Variants in MYH10 observed in about 807,000 individuals in gnomAD.
The protein encoded by MYH10 is myosin-10.
A neutral mutation model predicts 257.8 loss-of-function variants in MYH10; 55 were observed. The ratio of observed to expected loss-of-function variants is 0.21; its 90% CI spans 0.17 to 0.27. MYH10 has a LOEUF of 0.27. MYH10 is among the 10% of genes least tolerant of loss of function. The pLI is 1.00. For missense variants in MYH10, 1,631 were observed against 2,500.6 expected, an observed-to-expected ratio of 0.65 and a Z score of 7.42; for synonymous variants, 854 against 921.7, an observed-to-expected ratio of 0.93 and a Z score of 1.33.
rs1489877808 is a variant in MYH10, at chr17:8,545,344, G to GT, written c.1431+103dup. 4 of 1,253,022 alleles carry GT rather than the reference G, an allele frequency of 3.2e-6. No individual in the cohort carries two copies. Among genetic ancestry groups the GT allele is most frequent in the Admixed American group, 2.2e-5 (1 of 44,562 alleles). The allele number at this position is 1,253,022 out of a possible 1,614,324, so 77.6% of individuals were successfully genotyped here. On this transcript the variant is annotated intron_variant, in intron 13 of 42. Coordinates refer to ENST00000360416, the MANE Select transcript of MYH10 (RefSeq NM_001256012.3). This position sits in a 1 kb window ranked among gnomAD's most constrained non-coding sequence, Gnocchi z 4.7. ...TGGCTCTACTAGAATGGCAGGGACT[G>GT]TATCCCTGGTGCCTCGTATGTACTG...
At position 8,504,009 on chromosome 17, in the gene MYH10, G is replaced by C. The variant is rs555182746; in HGVS notation, c.3599+685C>G. 6.6e-6 allele frequency among the ~76,000 whole-genome samples: 1 copy of C among 152,276 alleles called. No homozygotes were observed. The highest frequency in any genetic ancestry group is 6.5e-5 in the Admixed American group (1 of 15,304). Reference sequence around the variant, plus strand: ...TGATGACACCTATGAGTCCGTGGGAGCCGCAGGCCAGCACCTCCAGGCCTG... The same window carrying C: ...TGATGACACCTATGAGTCCGTGGGACCCGCAGGCCAGCACCTCCAGGCCTG... On this transcript the variant is annotated intron_variant, in intron 28 of 42. Transcript: ENST00000360416. This position sits in a 1 kb window ranked among gnomAD's most constrained non-coding sequence, Gnocchi z 5.6.
intron 2 of MYH10, among the ~76,000 whole-genome samples, chr17:8,608,810 AT>A (rs531809094): frequency 0.02 from 2,795 of 140,744 alleles, 21 homozygotes; most frequent in Non-Finnish European, 0.029. Context: ...TGATTGGGAA[AT>A]TTTTTTTTTT....
intron 4 of MYH10, among the ~76,000 whole-genome samples, chr17:8,583,409 C>A (rs1196548123): frequency 6.8e-6 from 1 of 146,264 alleles, no homozygotes; most frequent in Non-Finnish European, 1.5e-5. Flanking sequence ...TAAATAATAC[C>A]TTTTTTTTTT....
chr17:8,604,780 C>A (rs753186862), intron 3 of MYH10, 46 bp downstream of exon 3: 6 of 1,322,114 alleles, frequency 4.5e-6, no homozygotes, highest in Non-Finnish European at 6.0e-6. Context: ...CAGTAAATTA[C>A]ATTTAAGAAA....
rs1912890197 is a variant in MYH10 at position 8,477,577 on chromosome 17, G to T, written c.5707-529C>A. On this transcript the variant is annotated intron_variant, in intron 41 of 42. Coordinates refer to ENST00000360416, the MANE Select transcript of MYH10 (RefSeq NM_001256012.3). The surrounding 1 kb of genome is among the most constrained non-coding windows in gnomAD (Gnocchi z 4.2). ...TCATTCCTGAGCCACACAGGCACTG[G>T]TCAGTGCTTCGTGGGTCCAGCGCAC... Among the ~76,000 whole-genome samples the T allele has an allele frequency of 6.6e-6, 1 of 152,168 alleles. No homozygotes were observed. Among genetic ancestry groups the T allele is most frequent in the African/African-American group, 2.4e-5 (1 of 41,446 alleles).
rs144703717 is a variant in MYH10 at position 8,619,525 on chromosome 17, G to A, written c.345+3377C>T. On this transcript the variant is annotated intron_variant, in intron 2 of 42. Coordinates refer to ENST00000360416, the MANE Select transcript of MYH10 (RefSeq NM_001256012.3). The stretch of plus-strand genomic sequence containing the variant: ...TTGGGAACTACTGAGTTACATCAAC[G>A]TAAAACAGTAAGAATAAATCTTAAA... Among the ~76,000 whole-genome samples the A allele has an allele frequency of 6.1e-3, 933 of 152,234 alleles. 8 individuals carry two copies. Among genetic ancestry groups the A allele is most frequent in the African/African-American group, 0.021 (890 of 41,554 alleles).
At chr17:8,597,080 T>C (rs2084401514) in intron 3 of MYH10, among the ~76,000 whole-genome samples, 1 of 152,142 alleles carries the variant, frequency 6.6e-6, no homozygotes, top group African/African-American at 2.4e-5. Flanking sequence ...TAGTTCAAAT[T>C]GATGTAGGTG....
intron 40 of MYH10, 107 bp from the exon 41 acceptor site, chr17:8,478,553 G>A: frequency 2.1e-6 from 2 of 970,388 alleles, no homozygotes; most frequent in Non-Finnish European, 3.2e-6. Context: ...CATGGTGGAG[G>A]CATTATGGAC....
chr17:8,499,377 C>G lies in MYH10; in HGVS notation c.3844G>C (p.Glu1282Gln), dbSNP rs1354598775. 5.0e-6 allele frequency: 8 copies of G among 1,614,078 alleles called. No individual in the cohort carries two copies. Among genetic ancestry groups the G allele is most frequent in the Non-Finnish European group, 6.8e-6 (8 of 1,180,060 alleles). ...GCGTCGAGCTTCTTCCTCTTGTGCT[C>G]AGACTCAGCCTTGACCTGCTGCAGG... ...KVLQQVKAES[E>Q]HKRKKLDAQV... Residue 1282 changes from glutamate (E) to glutamine (Q), a missense_variant, in exon 30 of 43, where the codon GAG (glutamate) becomes CAG (glutamine). Coordinates refer to ENST00000360416, the MANE Select transcript of MYH10 (RefSeq NM_001256012.3).
At chr17:8,612,444 AAG>A (rs1470174205) in intron 2 of MYH10, among the ~76,000 whole-genome samples, 6 of 152,236 alleles carry the variant, frequency 3.9e-5, no homozygotes, top group Non-Finnish European at 7.3e-5. Context: ...GATATTCTGA[AAG>A]AGGGAGAGAA....
At chr17:8,548,558 C>A in intron 10 of MYH10, 86 bp downstream of exon 10, 1 of 1,504,442 alleles carries the variant, frequency 6.6e-7, no homozygotes. Flanking sequence ...ATTAGTTTCC[C>A]AGTCATTTTC....
chr17:8,622,093 C>A (rs536749532), intron 2 of MYH10, among the ~76,000 whole-genome samples: 39 of 152,224 alleles, frequency 2.6e-4, no homozygotes, highest in African/African-American at 8.7e-4. Flanking sequence ...AATTCAACAC[C>A]CCTTTTCCGA....
At chr17:8,576,362 C>T (rs1567926326) in intron 6 of MYH10, among the ~76,000 whole-genome samples, 4 of 152,090 alleles carry the variant, frequency 2.6e-5, no homozygotes, top group African/African-American at 9.7e-5. Context: ...TAGTAAATGA[C>T]ATATGAAACC....
At chr17:8,560,731 C>T (rs1423337216) in intron 7 of MYH10, 2 of 626,236 alleles carry the variant, frequency 3.2e-6, no homozygotes, top group Admixed American at 3.7e-5. Context: ...ATGATGAGAA[C>T]TTCATCCTGA....
Position 8,604,902 on chromosome 17 carries a change from G to A in MYH10, c.426C>T (p.Tyr142=), listed in dbSNP as rs2084741060. 6.2e-7 allele frequency: 1 copy of A among 1,601,238 alleles called. No homozygotes were observed. Among genetic ancestry groups the A allele is most frequent in the Non-Finnish European group, 8.5e-7 (1 of 1,170,404 alleles). Residue 142 remains tyrosine, a synonymous_variant, in exon 3 of 43, where the codon TAC becomes TAT. Coordinates refer to ENST00000360416, the MANE Select transcript of MYH10 (RefSeq NM_001256012.3). The stretch of plus-strand genomic sequence containing the variant: ...GCATCTCATGACGCTTCTTCCCTCT[G>A]TACATTTCAATAATATTCTCAGAGT... ...PIYSENIIEM[Y]RGKKRHEMPP...
At chr17:8,572,653 G>T (rs1394071024) in intron 6 of MYH10, among the ~76,000 whole-genome samples, 1 of 152,066 alleles carries the variant, frequency 6.6e-6, no homozygotes, top group Non-Finnish European at 1.5e-5. Context: ...TGAGCCAAAG[G>T]CAGCAAGAAG....
chr17:8,577,148 G>A (rs2083529245), intron 5 of MYH10, 88 bp downstream of exon 5: 4 of 987,634 alleles, frequency 4.1e-6, no homozygotes, highest in African/African-American at 1.6e-5. Context: ...AGTTATAGCA[G>A]TGTGGAGAGT....
At chr17:8,549,751 C>G (rs1005221761) in intron 9 of MYH10, among the ~76,000 whole-genome samples, 1 of 152,086 alleles carries the variant, frequency 6.6e-6, no homozygotes, top group Non-Finnish European at 1.5e-5. Context: ...CATGCTGAGC[C>G]GAGGCTGGAC....
chr17:8,561,611 T>A (rs2082998063), intron 7 of MYH10: 1 of 734,946 alleles, frequency 1.4e-6, no homozygotes, highest in South Asian at 1.5e-5. Context: ...GACAGACTAT[T>A]CTCTGGAGAA....
Sources: gnomAD v4.1 joint callset for allele counts (sites outside exome capture counted in the v4.1 genomes callset) on GRCh38, gnomAD v4.1.1 for gene constraint, Gnocchi (gnomAD v3.1) non-coding constraint, MANE v1.5 for transcripts, NCBI Gene and HGNC (gene_info 2026-07-23, HGNC 2026-07-21) for gene names.